Variants in HDAC4 observed in about 807,000 individuals in gnomAD.
HDAC4 encodes histone deacetylase A.
HDAC4 carries 16 observed loss-of-function variants against 135.1 expected under a neutral mutation model. That is an observed-to-expected ratio of 0.12 (90% CI 0.08 to 0.18). The LOEUF is 0.18. HDAC4 is among the 10% of genes least tolerant of loss of function. The probability of loss-of-function intolerance (pLI) is 1.00; values close to 1 mark genes in which losing one functional copy is unlikely to be tolerated. For missense variants in HDAC4, 1,143 were observed against 1,511.8 expected, an observed-to-expected ratio of 0.76 and a Z score of 4.05; for synonymous variants, 685 against 653.4, an observed-to-expected ratio of 1.05 and a Z score of -0.74.
chr2:239,223,724 G>C lies in HDAC4; in HGVS notation c.94+12869C>G, dbSNP rs540966090. On this transcript the variant is annotated intron_variant, in intron 3 of 26. Transcript: ENST00000543185. The stretch of plus-strand genomic sequence containing the variant: ...CACTTTGAGCAGGACCTTGCTGCTG[G>C]CTGTGGAGGCTGTGCGCTCACACTC... Among the ~76,000 whole-genome samples, 4 of 152,162 alleles carry C rather than the reference G, an allele frequency of 2.6e-5. No homozygotes were observed. The South Asian group carries it at 8.3e-4, about 32-fold the overall frequency.
At chr2:239,058,013 C>T (rs1272372014) in intron 24 of HDAC4, among the ~76,000 whole-genome samples, 1 of 152,210 alleles carries the variant, frequency 6.6e-6, no homozygotes, top group Admixed American at 6.5e-5. Flanking sequence ...AAAACAAAAA[C>T]AAACAAAACC....
At chr2:239,063,084 C>G (rs1574869807) in intron 24 of HDAC4, among the ~76,000 whole-genome samples, 2 of 152,314 alleles carry the variant, frequency 1.3e-5, no homozygotes, top group South Asian at 4.1e-4. Context: ...CACATGGGGT[C>G]TCGCATACTC....
In HDAC4 at chr2:239,396,589, T is replaced by G. The variant is rs570082332; in HGVS notation, c.-220+4389A>C. Among the ~76,000 whole-genome samples the G allele has an allele frequency of 1.1e-4, 16 of 152,320 alleles. No individual in the cohort carries two copies. In the South Asian group the frequency reaches 3.3e-3, roughly 32 times the overall value. On this transcript the variant is annotated intron_variant, in intron 1 of 26. Coordinates refer to ENST00000543185, the MANE Select transcript of HDAC4 (RefSeq NM_001378414.1). The stretch of plus-strand genomic sequence containing the variant: ...CGTTCTGCTCATCTTGCAATGGTGA[T>G]CTCATGCTCTCCTTATTGGTCTGTA...
At position 239,132,213 on chromosome 2, in the gene HDAC4, G is replaced by A. The variant is rs541563979; in HGVS notation, c.1294+2032C>T. ...TAACCCTCATCAGGCTCACGGGGGC[G>A]GACCGCTTAGTATCCCCACTTCCTA... On this transcript the variant is annotated intron_variant, in intron 11 of 26. Transcript: ENST00000543185. Among the ~76,000 whole-genome samples the A allele has an allele frequency of 7.9e-5, 12 of 152,320 alleles. 1 individual carries two copies. Among genetic ancestry groups the A allele is most frequent in the Non-Finnish European group, 1.2e-4 (8 of 68,026 alleles).
intron 16 of HDAC4, among the ~76,000 whole-genome samples, chr2:239,097,675 G>A (rs1385516059): frequency 6.6e-6 from 1 of 152,180 alleles, no homozygotes; most frequent in African/African-American, 2.4e-5. Flanking sequence ...GGGATGTGGT[G>A]GGCAAGAGAG....
In HDAC4 at chr2:239,313,945, C is replaced by T. The variant is rs1036238404; in HGVS notation, c.22+38733G>A. On this transcript the variant is annotated intron_variant, in intron 2 of 26. Coordinates refer to ENST00000543185, the MANE Select transcript of HDAC4 (RefSeq NM_001378414.1). The surrounding 1 kb of genome is among the most constrained non-coding windows in gnomAD (Gnocchi z 5.1). ...GTGTGCGTGGGGAGGGGCTGTAGTTCCCTTGGCAGGGGAAGCCAGAAGACA... is the reference window on the plus strand; with the variant it reads ...GTGTGCGTGGGGAGGGGCTGTAGTTTCCTTGGCAGGGGAAGCCAGAAGACA... Among the ~76,000 whole-genome samples, 4 of 152,162 alleles carry T rather than the reference C, an allele frequency of 2.6e-5. No homozygotes were observed. The highest frequency in any genetic ancestry group is 9.7e-5 in the African/African-American group (4 of 41,446).
intron 4 of HDAC4, among the ~76,000 whole-genome samples, chr2:239,180,056 C>T (rs1308593650): frequency 1.3e-5 from 2 of 152,124 alleles, no homozygotes; most frequent in Admixed American, 6.5e-5. Context: ...CGGGGGCAGG[C>T]GGTGTGTGTC....
At chr2:239,265,818 C>T (rs2049689752) in intron 2 of HDAC4, among the ~76,000 whole-genome samples, 1 of 152,220 alleles carries the variant, frequency 6.6e-6, no homozygotes, top group East Asian at 1.9e-4. Flanking sequence ...TGAGCTCAAG[C>T]ATTCTGCTAG....
chr2:239,255,985 AG>A (rs532870205), intron 2 of HDAC4, among the ~76,000 whole-genome samples: 56 of 152,362 alleles, frequency 3.7e-4, no homozygotes, highest in African/African-American at 1.3e-3. Context: ...CTCTTGGAAA[AG>A]GATAAACCAC....
intron 2 of HDAC4, among the ~76,000 whole-genome samples, chr2:239,266,266 G>A (rs934549668): frequency 2.6e-5 from 4 of 152,168 alleles, no homozygotes; most frequent in Non-Finnish European, 5.9e-5. Flanking sequence ...GGTGGGAAAC[G>A]TGCCCCTGAT....
Position 239,247,384 on chromosome 2 carries a change from CCT to C in HDAC4, c.23-10722_23-10721del, listed in dbSNP as rs1363663583. Among the ~76,000 whole-genome samples the C allele has an allele frequency of 3.2e-4, 48 of 152,340 alleles. 1 individual carries two copies. The highest frequency in any genetic ancestry group is 2.5e-3 in the South Asian group (12 of 4,832). Reference sequence around the variant, plus strand: ...GCAGGGTTTGGGGTGGAATATCCCCCCTGTCGAGTGGAGACGAGGCTGACATG... The same window carrying C: ...GCAGGGTTTGGGGTGGAATATCCCCCGTCGAGTGGAGACGAGGCTGACATG... On this transcript the variant is annotated intron_variant, in intron 2 of 26. Coordinates refer to ENST00000543185, the MANE Select transcript of HDAC4 (RefSeq NM_001378414.1).
chr2:239,152,282 A>C (rs2042163348), intron 7 of HDAC4, among the ~76,000 whole-genome samples: 1 of 152,220 alleles, frequency 6.6e-6, no homozygotes, highest in Non-Finnish European at 1.5e-5. Flanking sequence ...CCAGCGTCCT[A>C]TGTCCATGAC....
chr2:239,304,966 C>T (rs1387313731), intron 2 of HDAC4, among the ~76,000 whole-genome samples: 3 of 152,272 alleles, frequency 2.0e-5, no homozygotes, highest in Admixed American at 6.5e-5. Context: ...AGAGTCCAGC[C>T]GTCCCCTCCC....
intron 2 of HDAC4, among the ~76,000 whole-genome samples, chr2:239,296,720 C>G (rs2051915810): frequency 6.6e-6 from 1 of 152,142 alleles, no homozygotes; most frequent in African/African-American, 2.4e-5. Flanking sequence ...GGTGCCTGTC[C>G]ACTGTCGGGC....
intron 2 of HDAC4, among the ~76,000 whole-genome samples, chr2:239,328,939 A>G (rs1559366775): frequency 6.6e-6 from 1 of 152,258 alleles, no homozygotes; most frequent in South Asian, 2.1e-4. Flanking sequence ...AAATTAATCA[A>G]GGGAGGAGGA....
chr2:239,365,145 T>C (rs954858298), intron 1 of HDAC4, among the ~76,000 whole-genome samples: 1 of 152,256 alleles, frequency 6.6e-6, no homozygotes, highest in Admixed American at 6.5e-5. Context: ...CTCCTGTCTA[T>C]ACAGTGAGTT....
At chr2:239,370,618 T>A (rs1236827430) in intron 1 of HDAC4, among the ~76,000 whole-genome samples, 1 of 152,206 alleles carries the variant, frequency 6.6e-6, no homozygotes, top group Admixed American at 6.5e-5. Context: ...CGGCAACAGA[T>A]AGTGCAGAGC....
chr2:239,314,285 A>G (rs2053022977), intron 2 of HDAC4, among the ~76,000 whole-genome samples: 1 of 152,204 alleles, frequency 6.6e-6, no homozygotes, highest in Non-Finnish European at 1.5e-5. Flanking sequence ...GAAAGACCTC[A>G]GTTGTAGGAA....
At chr2:239,348,689 A>T (rs1052822103) in intron 2 of HDAC4, among the ~76,000 whole-genome samples, 9 of 152,220 alleles carry the variant, frequency 5.9e-5, no homozygotes, top group Admixed American at 2.0e-4. Context: ...GCCACAGCGC[A>T]TCCCCTCAGG....
Sources: gnomAD v4.1 joint callset for allele counts (sites outside exome capture counted in the v4.1 genomes callset) on GRCh38, gnomAD v4.1.1 for gene constraint, Gnocchi (gnomAD v3.1) non-coding constraint, MANE v1.5 for transcripts, NCBI Gene and HGNC (gene_info 2026-07-23, HGNC 2026-07-21) for gene names.